Variants in IFT88 observed in about 807,000 individuals in gnomAD.
IFT88 encodes intraflagellar transport protein 88 homolog.
A neutral mutation model predicts 119.5 loss-of-function variants in IFT88; 74 were observed. That is an observed-to-expected ratio of 0.62 (90% CI 0.51 to 0.75). The LOEUF (loss-of-function observed/expected upper bound fraction) is 0.75, where lower values mean the gene tolerates loss of function less well. Among genes scored for constraint, IFT88 ranks in the 30% least tolerant of loss-of-function variants. The pLI, the probability that IFT88 is intolerant of heterozygous loss-of-function variation, is 0.00. For synonymous variants in IFT88, 279 were observed against 316.7 expected, an observed-to-expected ratio of 0.88 and a Z score of 1.26; for missense variants, 961 against 977.7, an observed-to-expected ratio of 0.98 and a Z score of 0.23.
intron 23 of IFT88, among the ~76,000 whole-genome samples, chr13:20,665,014 G>A (rs111926790): frequency 2.6e-3 from 395 of 151,734 alleles, no homozygotes; most frequent in African/African-American, 8.7e-3. Context: ...GGGAGGCGGA[G>A]CTTGCAGTGA....
In IFT88 at chr13:20,600,797, C is replaced by T. The variant is rs185670983; in HGVS notation, c.813-908C>T. Among the ~76,000 whole-genome samples, 455 of 152,236 alleles carry T rather than the reference C, an allele frequency of 3.0e-3. 1 individual carries two copies. Among genetic ancestry groups the T allele is most frequent in the Non-Finnish European group, 2.8e-3 (188 of 68,004 alleles). ...AGAGAAATGAAAATATAGATCGTCA[C>T]AAAGGCTTTTACACAAACATTCATA... On this transcript the variant is annotated intron_variant, in intron 11 of 25. Coordinates refer to ENST00000351808, the MANE Select transcript of IFT88 (RefSeq NM_006531.5).
At position 20,596,240 on chromosome 13, in the gene IFT88, G is replaced by A; in HGVS notation, c.489G>A (p.Leu163=). Residue 163 remains leucine, a splice_region_variant and synonymous_variant, in exon 8 of 26, where the codon TTG becomes TTA. Coordinates refer to ENST00000351808, the MANE Select transcript of IFT88 (RefSeq NM_006531.5). ...CIANSCGDLK[L]ALEKAKDAGR... Reference sequence around the variant, plus strand: ...CCAATAGTTGTGGAGACTTAAAATTGGTAAGTTCATAAACAAGATTCAAAA... The same window carrying A: ...CCAATAGTTGTGGAGACTTAAAATTAGTAAGTTCATAAACAAGATTCAAAA... The A allele has an allele frequency of 1.4e-6, 2 of 1,427,074 alleles. No individual in the cohort carries two copies. Among genetic ancestry groups the A allele is most frequent in the Non-Finnish European group, 1.9e-6 (2 of 1,033,576 alleles). 88.4% of individuals were successfully genotyped at this position (1,427,074 alleles called of 1,614,324 possible). A position where few individuals can be genotyped will look rare whatever the true frequency, so the allele number is the denominator to read the frequency against.
rs1227793065 is a variant in IFT88 at position 20,667,050 on chromosome 13, C to T, written c.2175+3446C>T. On this transcript the variant is annotated intron_variant, in intron 23 of 25. Transcript: ENST00000351808. ...TCCCATGTCAGTAAATACAGATTTC[C>T]GTCACTTTGTGCTCCATATTTTGTT... Among the ~76,000 whole-genome samples the T allele has an allele frequency of 7.2e-5, 11 of 152,262 alleles. No individual in the cohort carries two copies. The East Asian group carries it at 1.7e-3, about 24-fold the overall frequency.
intron 24 of IFT88, among the ~76,000 whole-genome samples, chr13:20,686,148 A>G (rs745550354): frequency 2.0e-5 from 3 of 152,154 alleles, no homozygotes; most frequent in Admixed American, 2.0e-4. Flanking sequence ...TGCTGTTGCC[A>G]TTGGGAGCTC....
chr13:20,607,460 A>C (rs751721003), intron 13 of IFT88: 35 of 672,272 alleles, frequency 5.2e-5, no homozygotes, highest in Non-Finnish European at 8.9e-5. Context: ...ACTCATCCCC[A>C]TCATCAGCGG....
intron 17 of IFT88, among the ~76,000 whole-genome samples, chr13:20,640,025 A>G (rs1273115109): frequency 6.6e-6 from 1 of 151,744 alleles, no homozygotes; most frequent in Non-Finnish European, 1.5e-5. Flanking sequence ...CCTGACCTCA[A>G]GTGATCCACC....
intron 13 of IFT88, among the ~76,000 whole-genome samples, chr13:20,608,547 C>G (rs1011543328): frequency 2.6e-5 from 4 of 152,158 alleles, no homozygotes; most frequent in Non-Finnish European, 5.9e-5. Flanking sequence ...AAGCTGGGAT[C>G]GCTGTGGCTG....
At chr13:20,640,381 G>A (rs1042597432) in intron 17 of IFT88, among the ~76,000 whole-genome samples, 2 of 151,310 alleles carry the variant, frequency 1.3e-5, no homozygotes, top group Non-Finnish European at 2.9e-5. Context: ...AGACCATCCT[G>A]GCTAACACAG....
chr13:20,664,009 G>T, intron 23 of IFT88, among the ~76,000 whole-genome samples: 1 of 152,096 alleles, frequency 6.6e-6, no homozygotes, highest in East Asian at 1.9e-4. Context: ...TTTTATTGTC[G>T]CCAAAGTTTG....
chr13:20,585,697 C>T (rs564214386), intron 3 of IFT88, among the ~76,000 whole-genome samples: 61 of 152,274 alleles, frequency 4.0e-4, no homozygotes, highest in African/African-American at 1.4e-3. Context: ...AAGACACTCC[C>T]GTCAGGCAGA....
At chr13:20,624,665 C>G (rs998013995) in intron 14 of IFT88, among the ~76,000 whole-genome samples, 1 of 152,172 alleles carries the variant, frequency 6.6e-6, no homozygotes, top group South Asian at 2.1e-4. Flanking sequence ...TAAATTCTCT[C>G]TCTCTCACAC....
intron 2 of IFT88, among the ~76,000 whole-genome samples, chr13:20,578,358 CTT>C (rs1158499742): frequency 2.3e-3 from 180 of 78,754 alleles, no homozygotes; most frequent in African/African-American, 8.3e-3. Flanking sequence ...AGTCTTGTTA[CTT>C]TTTTTTTTTT....
At position 20,691,414 on chromosome 13, in the gene IFT88, G is replaced by A. The variant is rs1224325556; in HGVS notation, c.*239G>A. The A allele has an allele frequency of 5.9e-6, 2 of 339,560 alleles. No individual in the cohort carries two copies. Among genetic ancestry groups the A allele is most frequent in the Non-Finnish European group, 1.1e-5 (2 of 187,048 alleles). The allele number at this position is 339,560 out of a possible 1,614,324, so 21.0% of individuals were successfully genotyped here. A position where few individuals can be genotyped will look rare whatever the true frequency, so the allele number is the denominator to read the frequency against. ...GCTTTTTGAAAACATTGACACACAG[G>A]AAGAAATAAATTTCATAACACAACC... On this transcript the variant is annotated 3_prime_UTR_variant, in exon 26 of 26. Coordinates refer to ENST00000351808, the MANE Select transcript of IFT88 (RefSeq NM_006531.5).
chr13:20,674,687 A>T (rs908303624), intron 24 of IFT88, among the ~76,000 whole-genome samples: 6 of 146,504 alleles, frequency 4.1e-5, no homozygotes, highest in Admixed American at 6.8e-5. Flanking sequence ...TATTTTATTT[A>T]AAAAAACTGA....
At chr13:20,678,592 G>T (rs1040559515) in intron 24 of IFT88, among the ~76,000 whole-genome samples, 1 of 152,190 alleles carries the variant, frequency 6.6e-6, no homozygotes, top group Admixed American at 6.5e-5. Context: ...CTCCGGAGGG[G>T]CCAGGTTTTC....
chr13:20,668,348 T>A (rs2055114859), intron 23 of IFT88, among the ~76,000 whole-genome samples: 1 of 147,242 alleles, frequency 6.8e-6, no homozygotes, highest in East Asian at 2.0e-4. Flanking sequence ...TAACTGAGTC[T>A]TGACAGTTGA....
intron 24 of IFT88, among the ~76,000 whole-genome samples, chr13:20,678,394 A>G: frequency 6.6e-6 from 1 of 152,252 alleles, no homozygotes; most frequent in Non-Finnish European, 1.5e-5. Context: ...CCCACATATT[A>G]TTGACAGTAA....
chr13:20,593,375 A>G (rs1192274574), intron 7 of IFT88, among the ~76,000 whole-genome samples: 1 of 152,132 alleles, frequency 6.6e-6, no homozygotes, highest in Non-Finnish European at 1.5e-5. Flanking sequence ...AAGCCCAGCT[A>G]TCTTAACTTT....
chr13:20,572,836 G>A (rs1173639901), intron 1 of IFT88, among the ~76,000 whole-genome samples: 3 of 152,086 alleles, frequency 2.0e-5, no homozygotes, highest in African/African-American at 4.8e-5. Context: ...CCGCAAATTA[G>A]CTTTGCCTGT....
Sources: gnomAD v4.1 joint callset for allele counts (sites outside exome capture counted in the v4.1 genomes callset) on GRCh38, gnomAD v4.1.1 for gene constraint, MANE v1.5 for transcripts, NCBI Gene and HGNC (gene_info 2026-07-23, HGNC 2026-07-21) for gene names.